The following KCNC2 variants were observed in gnomAD, a reference collection of about 807,000 sequenced individuals.
The protein encoded by KCNC2 is potassium voltage-gated channel subfamily C member 2.
In KCNC2, 21 loss-of-function variants were observed where a neutral mutation model predicts 44.5. The observed-to-expected ratio is 0.47, with a 90% CI of 0.33 to 0.68. KCNC2 has a LOEUF of 0.68. Ranked by LOEUF, KCNC2 falls within the 30% of genes least tolerant of loss-of-function variation. KCNC2 has a pLI of 0.01. For synonymous variants in KCNC2, 391 were observed against 339.1 expected (o/e 1.15, Z -1.68); for missense variants, 589 against 826.2 (o/e 0.71, Z 3.52).
At position 75,042,732 on chromosome 12, in the gene KCNC2, C is replaced by G; in HGVS notation, c.*373G>C. ...TCCCAGACATCTTCAGAATGGTTTA[C>G]AGTCACAAGAAATAAAGTTCCAATG... On this transcript the variant is annotated 3_prime_UTR_variant, in exon 5 of 5. Coordinates refer to ENST00000549446, the MANE Select transcript of KCNC2 (RefSeq NM_139137.4). 1 of 1,156,794 alleles carries G rather than the reference C, an allele frequency of 8.6e-7. No homozygotes were observed. Among genetic ancestry groups the G allele is most frequent in the Non-Finnish European group, 1.1e-6 (1 of 938,410 alleles). 71.7% of individuals were successfully genotyped at this position (1,156,794 alleles called of 1,614,324 possible).
intron 2 of KCNC2, among the ~76,000 whole-genome samples, chr12:75,164,698 A>G (rs1265392029): frequency 6.6e-6 from 1 of 151,656 alleles, no homozygotes; most frequent in Non-Finnish European, 1.5e-5. Context: ...ACCTGTAACA[A>G]CTGCTATTTC....
intron 2 of KCNC2, among the ~76,000 whole-genome samples, chr12:75,077,396 G>T (rs1419690296): frequency 6.6e-6 from 1 of 152,016 alleles, no homozygotes; most frequent in Non-Finnish European, 1.5e-5. Flanking sequence ...TTCCACACAT[G>T]GTCATTTCAG....
chr12:75,161,513 A>G (rs1469195931), intron 2 of KCNC2, among the ~76,000 whole-genome samples: 1 of 151,774 alleles, frequency 6.6e-6, no homozygotes, highest in East Asian at 1.9e-4. Flanking sequence ...TAAAGTTTTA[A>G]CAACATGAAA....
chr12:75,191,194 C>A (rs1441674970), intron 2 of KCNC2, among the ~76,000 whole-genome samples: 1 of 151,490 alleles, frequency 6.6e-6, no homozygotes, highest in Non-Finnish European at 1.5e-5. Context: ...GATCTAAAAC[C>A]AGATTTAAAC....
At chr12:75,061,654 T>A (rs929127197) in intron 2 of KCNC2, among the ~76,000 whole-genome samples, 2 of 151,552 alleles carry the variant, frequency 1.3e-5, no homozygotes, top group Non-Finnish European at 2.9e-5. Flanking sequence ...GAAAATCAAT[T>A]TTGTCCATAG....
intron 2 of KCNC2, among the ~76,000 whole-genome samples, chr12:75,136,236 C>A (rs763609183): frequency 2.0e-5 from 3 of 151,546 alleles, no homozygotes; most frequent in African/African-American, 2.4e-5. Context: ...TCTAAAAAAT[C>A]GAAAAATCAG....
At chr12:75,135,231 G>T (rs1193117243) in intron 2 of KCNC2, among the ~76,000 whole-genome samples, 1 of 151,036 alleles carries the variant, frequency 6.6e-6, no homozygotes, top group African/African-American at 2.4e-5. Context: ...CATTCCAAGT[G>T]CTTGTTTCTG....
At chr12:75,067,833 C>T (rs1882988646) in intron 2 of KCNC2, among the ~76,000 whole-genome samples, 1 of 151,968 alleles carries the variant, frequency 6.6e-6, no homozygotes, top group African/African-American at 2.4e-5. Context: ...AAGTGTATCA[C>T]ATTCTCTATT....
At chr12:75,089,282 G>T (rs1308619307) in intron 2 of KCNC2, among the ~76,000 whole-genome samples, 5 of 151,794 alleles carry the variant, frequency 3.3e-5, no homozygotes, top group Middle Eastern at 3.5e-3. Context: ...TATTTAATCT[G>T]CAGTCAATTA....
At chr12:75,065,031 C>T (rs1368539242) in intron 2 of KCNC2, among the ~76,000 whole-genome samples, 1 of 151,898 alleles carries the variant, frequency 6.6e-6, no homozygotes, top group African/African-American at 2.4e-5. Context: ...CTATATTTCT[C>T]CCAAATAATA....
intron 2 of KCNC2, among the ~76,000 whole-genome samples, chr12:75,206,474 G>A (rs1000976357): frequency 1.3e-5 from 2 of 152,060 alleles, no homozygotes; most frequent in African/African-American, 2.4e-5. Flanking sequence ...ACTAGAACCC[G>A]AAAAAGAACA....
At chr12:75,191,153 A>G (rs1471011046) in intron 2 of KCNC2, among the ~76,000 whole-genome samples, 2 of 152,044 alleles carry the variant, frequency 1.3e-5, no homozygotes, top group Non-Finnish European at 2.9e-5. Flanking sequence ...TGTAGGACCT[A>G]TATAAAGTAA....
intron 2 of KCNC2, among the ~76,000 whole-genome samples, chr12:75,082,725 G>A (rs562279986): frequency 1.1e-4 from 16 of 151,590 alleles, no homozygotes; most frequent in South Asian, 6.2e-4. Context: ...TTATTTTCTC[G>A]AAAAATATTT....
chr12:75,089,425 T>G (rs1463104753), intron 2 of KCNC2, among the ~76,000 whole-genome samples: 1 of 151,850 alleles, frequency 6.6e-6, no homozygotes, highest in East Asian at 1.9e-4. Flanking sequence ...GTTCCACAAG[T>G]AATTGAATTG....
chr12:75,050,339 C>A, intron 3 of KCNC2, 51 bp downstream of exon 3: 1 of 1,294,834 alleles, frequency 7.7e-7, no homozygotes, highest in Non-Finnish European at 1.1e-6. Flanking sequence ...GCCTAAGGAA[C>A]ATACTGGTCT....
At chr12:75,099,651 T>C (rs992487889) in intron 2 of KCNC2, among the ~76,000 whole-genome samples, 5 of 152,216 alleles carry the variant, frequency 3.3e-5, no homozygotes, top group Admixed American at 6.6e-5. Context: ...TGATCAATCA[T>C]TTGAGGGAAA....
intron 2 of KCNC2, among the ~76,000 whole-genome samples, chr12:75,078,108 T>C (rs531870353): frequency 2.4e-4 from 37 of 152,326 alleles, no homozygotes; most frequent in African/African-American, 8.9e-4. Context: ...ATAAAATATA[T>C]TCAGCTTTTC....
intron 2 of KCNC2, among the ~76,000 whole-genome samples, chr12:75,186,952 T>G (rs1210824450): frequency 6.6e-6 from 1 of 152,236 alleles, no homozygotes; most frequent in Non-Finnish European, 1.5e-5. Flanking sequence ...TTTCTTTTTA[T>G]TAGCCATCTT....
chr12:75,177,335 T>A (rs1289544979), intron 2 of KCNC2, among the ~76,000 whole-genome samples: 1 of 151,954 alleles, frequency 6.6e-6, no homozygotes, highest in Non-Finnish European at 1.5e-5. Context: ...TATAAATTAG[T>A]GTAGAATCCC....
Sources: gnomAD v4.1 joint callset for allele counts (sites outside exome capture counted in the v4.1 genomes callset) on GRCh38, gnomAD v4.1.1 for gene constraint, MANE v1.5 for transcripts, NCBI Gene and HGNC (gene_info 2026-07-23, HGNC 2026-07-21) for gene names.